RPRD2: variants seen among roughly 807,000 people sequenced by gnomAD.
The protein encoded by RPRD2 is regulation of nuclear pre-mRNA domain-containing protein 2.
Under a neutral mutation model 104.4 loss-of-function variants are expected in RPRD2, and 12 were observed. The ratio of observed to expected loss-of-function variants is 0.11; its 90% CI spans 0.07 to 0.19. The LOEUF is 0.19. Among genes scored for constraint, RPRD2 ranks in the 10% least tolerant of loss-of-function variants. The pLI, the probability that RPRD2 is intolerant of heterozygous loss-of-function variation, is 1.00. For missense variants in RPRD2, 1,543 were observed against 1,790.1 expected (o/e 0.86, Z 2.49); for synonymous variants, 714 against 684.9 (o/e 1.04, Z -0.66).
intron 2 of RPRD2, among the ~76,000 whole-genome samples, chr1:150,438,664 T>A (rs1666190719): frequency 6.6e-6 from 1 of 152,002 alleles, no homozygotes; most frequent in African/African-American, 2.4e-5. Context: ...AAATGTGTCA[T>A]TAGGGAATTT....
intron 1 of RPRD2, among the ~76,000 whole-genome samples, chr1:150,396,100 T>C (rs1008793535): frequency 4.6e-5 from 7 of 152,192 alleles, no homozygotes; most frequent in African/African-American, 1.7e-4. Flanking sequence ...TTAGGGATGG[T>C]GAGCATTTTT....
intron 1 of RPRD2, among the ~76,000 whole-genome samples, chr1:150,398,409 G>A (rs1330856814): frequency 1.3e-5 from 2 of 151,958 alleles, no homozygotes; most frequent in Admixed American, 6.6e-5. Context: ...TGTTAGCCAG[G>A]ATGGTCTCGA....
Position 150,446,392 on chromosome 1 carries a change from G to C in RPRD2, c.861G>C (p.Val287=). The C allele has an allele frequency of 6.3e-7, 1 of 1,589,140 alleles. No individual in the cohort carries two copies. Among genetic ancestry groups the C allele is most frequent in the Non-Finnish European group, 8.5e-7 (1 of 1,173,282 alleles). Residue 287 remains valine (V), a synonymous_variant, in exon 7 of 11, where the codon GTG becomes GTC. Coordinates refer to ENST00000369068, the MANE Select transcript of RPRD2 (RefSeq NM_015203.5). ...FYEAQYKEVK[V]VANAYKTFAN... is the part of the protein sequence containing the mutation. ...AAGCACAATACAAAGAAGTAAAAGTGGTGGCTAATGTAAGTAATAATTAAA... is the reference window on the plus strand; with the variant it reads ...AAGCACAATACAAAGAAGTAAAAGTCGTGGCTAATGTAAGTAATAATTAAA...
chr1:150,390,640 G>C (rs1197679438), intron 1 of RPRD2, among the ~76,000 whole-genome samples: 12 of 152,158 alleles, frequency 7.9e-5, no homozygotes, highest in Non-Finnish European at 2.9e-5. Flanking sequence ...AGAAATAAAA[G>C]TATAACTGTT....
intron 1 of RPRD2, among the ~76,000 whole-genome samples, chr1:150,395,883 G>A (rs1484997077): frequency 6.6e-6 from 1 of 152,198 alleles, no homozygotes; most frequent in African/African-American, 2.4e-5. Context: ...GGATCACATG[G>A]TAGTTCTACT....
At chr1:150,433,601 C>T (rs1005501407) in intron 2 of RPRD2, among the ~76,000 whole-genome samples, 6 of 149,262 alleles carry the variant, frequency 4.0e-5, no homozygotes, top group Admixed American at 1.3e-4. Flanking sequence ...CCCGCCACAA[C>T]GCCCAGCTAA....
intron 2 of RPRD2, among the ~76,000 whole-genome samples, chr1:150,427,210 C>T (rs587636363): frequency 5.8e-4 from 88 of 152,208 alleles, no homozygotes; most frequent in African/African-American, 2.1e-3. Context: ...CTGTGGCTCA[C>T]GCCTGTAATC....
rs868989316 is a variant in RPRD2, at chr1:150,460,117, C to T, written c.1211C>T (p.Thr404Ile). Reference protein sequence around the residue: ...EKSAVSTSVPTKPTENISKAS... With the variant: ...EKSAVSTSVPIKPTENISKAS... ...TCAGCTGTATCCACTTCTGTACCTA[C>T]AAAGCCAACAGAAAATATCTCAAAG... Residue 404 changes from threonine to isoleucine, a missense_variant, in exon 9 of 11, where the codon ACA becomes ATA. This residue lies in a region of RPRD2 where 572 missense variants were observed against 787.3 expected (regional missense o/e 0.73). Coordinates refer to ENST00000369068, the MANE Select transcript of RPRD2 (RefSeq NM_015203.5). The T allele has an allele frequency of 1.9e-6, 3 of 1,613,942 alleles. No homozygotes were observed. Among genetic ancestry groups the T allele is most frequent in the African/African-American group, 1.3e-5 (1 of 75,042 alleles).
At chr1:150,422,903 T>C (rs1553889975) in intron 2 of RPRD2, among the ~76,000 whole-genome samples, 1 of 152,202 alleles carries the variant, frequency 6.6e-6, no homozygotes, top group Non-Finnish European at 1.5e-5. Context: ...AAGTAGGACT[T>C]TCAGATAAGT....
chr1:150,365,638 G>A (rs1322056084), intron 1 of RPRD2, among the ~76,000 whole-genome samples: 1 of 152,066 alleles, frequency 6.6e-6, no homozygotes, highest in Non-Finnish European at 1.5e-5. Context: ...CGCCCAGGCT[G>A]GAGTGCAGTG....
intron 1 of RPRD2, among the ~76,000 whole-genome samples, chr1:150,384,103 A>G (rs1283630776): frequency 2.0e-5 from 3 of 152,134 alleles, no homozygotes; most frequent in Non-Finnish European, 4.4e-5. Context: ...AGGGGTGGGT[A>G]GGATATTCAG....
chr1:150,471,803 C>T lies in RPRD2; in HGVS notation c.2855C>T (p.Thr952Ile). Residue 952 changes from threonine to isoleucine, a missense_variant, in exon 11 of 11, where the codon ACT becomes ATT. By Grantham distance (89) the Thr-to-Ile change is moderately conservative. Transcript: ENST00000369068. The surrounding 1 kb of genome is among the most constrained non-coding windows in gnomAD (Gnocchi z 5.3). ...CACAATAGCTTGTCTCAATCTACCACTGGGCATCTCAGTTTGCCACAGAAG... is the reference window on the plus strand; with the variant it reads ...CACAATAGCTTGTCTCAATCTACCATTGGGCATCTCAGTTTGCCACAGAAG... ...SNHNSLSQSTTGHLSLPQKQY... is the reference protein window; with the variant it reads ...SNHNSLSQSTIGHLSLPQKQY... The T allele has an allele frequency of 6.2e-7, 1 of 1,613,968 alleles. No individual in the cohort carries two copies. Among genetic ancestry groups the T allele is most frequent in the Non-Finnish European group, 8.5e-7 (1 of 1,179,888 alleles).
chr1:150,369,799 G>T (rs1333449375), intron 1 of RPRD2, among the ~76,000 whole-genome samples: 2 of 142,786 alleles, frequency 1.4e-5, no homozygotes, highest in Admixed American at 7.2e-5. Context: ...GTTTTTTTTT[G>T]ATGCAGAGTC....
chr1:150,428,454 CAAAA>C (rs34596290), intron 2 of RPRD2, among the ~76,000 whole-genome samples: 741 of 71,196 alleles, frequency 0.01, 5 homozygotes, highest in Non-Finnish European at 0.012. Context: ...GACTCTGTCT[CAAAA>C]AAAAAAAAAA....
chr1:150,399,532 G>A (rs1344531778), intron 1 of RPRD2, among the ~76,000 whole-genome samples: 1 of 152,060 alleles, frequency 6.6e-6, no homozygotes, highest in Non-Finnish European at 1.5e-5. Context: ...TGAGGCGGGT[G>A]GATCACCTGA....
intron 8 of RPRD2, among the ~76,000 whole-genome samples, chr1:150,459,283 T>A (rs1487332583): frequency 2.0e-5 from 3 of 152,192 alleles, no homozygotes; most frequent in East Asian, 3.8e-4. Flanking sequence ...GTTAAAACAT[T>A]GTAGTTTCAA....
chr1:150,447,010 A>G (rs782130292), intron 7 of RPRD2, among the ~76,000 whole-genome samples: 14 of 151,656 alleles, frequency 9.2e-5, no homozygotes, highest in Non-Finnish European at 1.9e-4. Flanking sequence ...CTAATTTTGT[A>G]TTTTTAGTAG....
In RPRD2 at chr1:150,404,809, A is replaced by G. The variant is rs587599417; in HGVS notation, c.206-12787A>G. 3.9e-5 allele frequency among the ~76,000 whole-genome samples: 6 copies of G among 152,244 alleles called. No individual in the cohort carries two copies. The South Asian group carries it at 1.2e-3, about 32-fold the overall frequency. ...TTAAAAATCTGTATAACTTACATTCAAGAGTTCCTATCCAGAATTCAGTCT... is the reference window on the plus strand; with the variant it reads ...TTAAAAATCTGTATAACTTACATTCGAGAGTTCCTATCCAGAATTCAGTCT... On this transcript the variant is annotated intron_variant, in intron 1 of 10. Coordinates refer to ENST00000369068, the MANE Select transcript of RPRD2 (RefSeq NM_015203.5).
chr1:150,379,683 T>A (rs1438600737), intron 1 of RPRD2, among the ~76,000 whole-genome samples: 1 of 152,186 alleles, frequency 6.6e-6, no homozygotes, highest in Admixed American at 6.5e-5. Flanking sequence ...ATTACAGGTG[T>A]GAGCCACTAC....
Sources: gnomAD v4.1 joint callset for allele counts (sites outside exome capture counted in the v4.1 genomes callset) on GRCh38, gnomAD v4.1.1 for gene constraint, gnomAD v4.1.1 regional missense constraint, Gnocchi (gnomAD v3.1) non-coding constraint, MANE v1.5 for transcripts, NCBI Gene and HGNC (gene_info 2026-07-23, HGNC 2026-07-21) for gene names.